The following JAZF1 variants were observed in gnomAD, a reference collection of about 807,000 sequenced individuals.
The protein encoded by JAZF1 is JAZF zinc finger 1.
A neutral mutation model predicts 26.4 loss-of-function variants in JAZF1; 8 were observed. The ratio of observed to expected loss-of-function variants is 0.30; its 90% CI spans 0.18 to 0.55. The LOEUF is 0.55. JAZF1 is among the 20% of genes least tolerant of loss of function. The pLI, the probability that JAZF1 is intolerant of heterozygous loss-of-function variation, is 0.94. For synonymous variants in JAZF1, 126 were observed against 122.3 expected (o/e 1.03, Z -0.20); for missense variants, 199 against 322.0 (o/e 0.62, Z 2.92).
intron 1 of JAZF1, among the ~76,000 whole-genome samples, chr7:28,101,650 G>A (rs959448114): frequency 6.6e-6 from 1 of 151,578 alleles, no homozygotes; most frequent in Non-Finnish European, 1.5e-5. Context: ...AGGCTGTGGA[G>A]GGAGGATTGC....
At chr7:28,105,436 C>T (rs535413614) in intron 1 of JAZF1, among the ~76,000 whole-genome samples, 139 of 152,282 alleles carry the variant, frequency 9.1e-4, no homozygotes, top group African/African-American at 3.2e-3. Context: ...TAACGGTTTT[C>T]GAGTGGATAA....
chr7:28,149,159 G>A lies in JAZF1; in HGVS notation c.115+31304C>T, dbSNP rs919736380. 2.0e-5 allele frequency among the ~76,000 whole-genome samples: 3 copies of A among 152,136 alleles called. No homozygotes were observed. The South Asian group carries it at 6.2e-4, about 32-fold the overall frequency. On this transcript the variant is annotated intron_variant, in intron 1 of 4. Coordinates refer to ENST00000283928, the MANE Select transcript of JAZF1 (RefSeq NM_175061.4). ...TGCTACCAGGGAGCATTCACACATAGGCTGGGCTGCAGAGCCTGTAAACAG... is the reference window on the plus strand; with the variant it reads ...TGCTACCAGGGAGCATTCACACATAAGCTGGGCTGCAGAGCCTGTAAACAG...
At chr7:28,024,723 G>A (rs1299960244) in intron 1 of JAZF1, among the ~76,000 whole-genome samples, 2 of 152,122 alleles carry the variant, frequency 1.3e-5, no homozygotes, top group African/African-American at 2.4e-5. Context: ...AAGCTTCCCA[G>A]AGAGATTAAA....
At chr7:28,125,873 G>A (rs1387921972) in intron 1 of JAZF1, among the ~76,000 whole-genome samples, 1 of 152,154 alleles carries the variant, frequency 6.6e-6, no homozygotes, top group Non-Finnish European at 1.5e-5. Flanking sequence ...GACAGATGAT[G>A]TTTTCAGCTT....
chr7:27,889,133 C>T (rs949637067), intron 3 of JAZF1, among the ~76,000 whole-genome samples: 14 of 152,166 alleles, frequency 9.2e-5, no homozygotes, highest in African/African-American at 3.4e-4. Context: ...AACTACCCAC[C>T]CAAAAGAGCT....
chr7:27,903,073 C>T (rs976254923), intron 2 of JAZF1, among the ~76,000 whole-genome samples: 22 of 148,766 alleles, frequency 1.5e-4, no homozygotes, highest in African/African-American at 4.7e-4. Context: ...AATCTTAACT[C>T]GCAAACCTTT....
At chr7:28,168,312 G>A (rs1191235747) in intron 1 of JAZF1, among the ~76,000 whole-genome samples, 2 of 151,232 alleles carry the variant, frequency 1.3e-5, no homozygotes, top group African/African-American at 4.9e-5. Context: ...AACCCAGGAG[G>A]TGGAGTTTGC....
At chr7:28,020,199 C>T (rs1782980026) in intron 1 of JAZF1, among the ~76,000 whole-genome samples, 1 of 152,128 alleles carries the variant, frequency 6.6e-6, no homozygotes, top group Non-Finnish European at 1.5e-5. Context: ...AGAGATAAAA[C>T]TATGCTGTAA....
chr7:27,920,338 T>C (rs2128347678), intron 2 of JAZF1, among the ~76,000 whole-genome samples: 1 of 152,356 alleles, frequency 6.6e-6, no homozygotes, highest in Non-Finnish European at 1.5e-5. Flanking sequence ...AGCTTTGATA[T>C]ATAAAATCAG....
At chr7:27,881,112 A>T (rs1311442685) in intron 3 of JAZF1, among the ~76,000 whole-genome samples, 2 of 152,248 alleles carry the variant, frequency 1.3e-5, no homozygotes, top group Non-Finnish European at 2.9e-5. Flanking sequence ...AGAAAAAGCC[A>T]ATTTTTATAT....
chr7:28,006,904 C>T (rs1307559023), intron 1 of JAZF1, among the ~76,000 whole-genome samples: 1 of 150,758 alleles, frequency 6.6e-6, no homozygotes, highest in African/African-American at 2.5e-5. Flanking sequence ...CATAAATGAA[C>T]ATGGATTTTT....
chr7:27,939,525 G>A (rs1784811700), intron 2 of JAZF1, among the ~76,000 whole-genome samples: 2 of 152,196 alleles, frequency 1.3e-5, no homozygotes, highest in South Asian at 2.1e-4. Context: ...TGTCCCTGGG[G>A]TGAGATGGCC....
chr7:27,910,150 T>C (rs569161450), intron 2 of JAZF1, among the ~76,000 whole-genome samples: 1 of 152,338 alleles, frequency 6.6e-6, no homozygotes, highest in East Asian at 1.9e-4. Context: ...TGTTATAATG[T>C]CAAATGGTAT....
intron 2 of JAZF1, among the ~76,000 whole-genome samples, chr7:27,914,058 G>A (rs915541587): frequency 6.6e-6 from 1 of 152,192 alleles, no homozygotes; most frequent in Non-Finnish European, 1.5e-5. Flanking sequence ...GGAGAACTGA[G>A]AGAGAACAAA....
chr7:28,108,870 C>T (rs76601616), intron 1 of JAZF1, among the ~76,000 whole-genome samples: 1 of 152,076 alleles, frequency 6.6e-6, no homozygotes, highest in Non-Finnish European at 1.5e-5. Flanking sequence ...ATTATTCAGT[C>T]ATAAAAAAAG....
chr7:27,882,381 T>A (rs1324502938), intron 3 of JAZF1, among the ~76,000 whole-genome samples: 1 of 152,164 alleles, frequency 6.6e-6, no homozygotes, highest in Non-Finnish European at 1.5e-5. Context: ...AAATCTTTGA[T>A]CTGATAAGAT....
At chr7:27,985,410 T>C (rs1002681654) in intron 2 of JAZF1, among the ~76,000 whole-genome samples, 51 of 152,324 alleles carry the variant, frequency 3.3e-4, no homozygotes, top group African/African-American at 1.0e-3. Flanking sequence ...CAGGAAGAAG[T>C]TGAATCTGTG....
At chr7:28,107,675 G>A (rs958622297) in intron 1 of JAZF1, among the ~76,000 whole-genome samples, 2 of 152,116 alleles carry the variant, frequency 1.3e-5, no homozygotes, top group African/African-American at 4.8e-5. Flanking sequence ...AGGACATAAG[G>A]ACCTCACAGG....
intron 1 of JAZF1, among the ~76,000 whole-genome samples, chr7:28,049,087 C>T (rs1783548342): frequency 7.8e-6 from 1 of 128,898 alleles, no homozygotes; most frequent in Admixed American, 8.3e-5. Context: ...CTCTCTCTCT[C>T]TCTCTTTCTT....
Sources: allele counts gnomAD v4.1 joint callset (sites outside exome capture counted in the v4.1 genomes callset), GRCh38; gene constraint gnomAD v4.1.1; transcripts MANE v1.5; gene names NCBI Gene and HGNC (gene_info 2026-07-23, HGNC 2026-07-21).